QPCTL: variants seen among roughly 807,000 people sequenced by gnomAD.
The protein encoded by QPCTL is glutaminyl-peptide cyclotransferase-like protein.
A neutral mutation model predicts 34.6 loss-of-function variants in QPCTL; 31 were observed. The ratio of observed to expected loss-of-function variants is 0.90; its 90% CI spans 0.67 to 1.21. QPCTL has a LOEUF of 1.21. Among genes scored for constraint, QPCTL ranks in the 50% most tolerant of loss-of-function variants. The pLI is 0.00. For synonymous variants in QPCTL, 223 were observed against 226.9 expected (o/e 0.98, Z 0.15); for missense variants, 474 against 507.8 (o/e 0.93, Z 0.64).
rs1197686297 is a variant in QPCTL at position 45,692,746 on chromosome 19, G to A, written c.43G>A (p.Glu15Lys). 1.3e-6 allele frequency: 2 copies of A among 1,578,692 alleles called. No individual in the cohort carries two copies. The highest frequency in any genetic ancestry group is 1.7e-6 in the Non-Finnish European group (2 of 1,161,882). The change falls in exon 1 of 7, where the codon GAA (glutamate) becomes AAA (lysine). Residue 15 changes from glutamate to lysine, a missense_variant. Physicochemically the swap from Glu to Lys is moderately conservative, Grantham distance 56 (BLOSUM62 1). Coordinates refer to ENST00000012049, the MANE Select transcript of QPCTL (RefSeq NM_017659.4). ...GRGRPRLRLGERGLMEPLLPP... is the reference protein window; with the variant it reads ...GRGRPRLRLGKRGLMEPLLPP... ...CGGGCGACCCCGCCTGCGGCTGGGGGAACGTGGCCTCATGGAGCCACTCTT... is the reference window on the plus strand; with the variant it reads ...CGGGCGACCCCGCCTGCGGCTGGGGAAACGTGGCCTCATGGAGCCACTCTT...
intron 5 of QPCTL, 45 bp downstream of exon 5, chr19:45,698,945 G>A: frequency 6.4e-7 from 1 of 1,565,060 alleles, no homozygotes; most frequent in Non-Finnish European, 8.8e-7. Flanking sequence ...CTGGGGTATG[G>A]GGTACAGGGC....
At chr19:45,699,790 G>T (rs1319704704) in intron 5 of QPCTL, among the ~76,000 whole-genome samples, 2 of 151,982 alleles carry the variant, frequency 1.3e-5, no homozygotes, top group African/African-American at 4.8e-5. Flanking sequence ...AAGTTAGCTG[G>T]GCGTGGTGAC....
At position 45,693,558 on chromosome 19, in the gene QPCTL, T is replaced by C. The variant is rs1470872641; in HGVS notation, c.351+2T>C. On this transcript the variant is annotated splice_donor_variant, in intron 2 of 6. Coordinates refer to ENST00000012049, the MANE Select transcript of QPCTL (RefSeq NM_017659.4). LOFTEE classifies it high-confidence loss of function. ...CCGGGAAATCTCCAAGTCAGAAAGG[T>C]AAAGGGACCCACCTCCAGTCCCTGA... is the stretch of plus-strand genomic sequence containing the variant. The C allele has an allele frequency of 6.2e-7, 1 of 1,607,968 alleles. No individual in the cohort carries two copies. The highest frequency in any genetic ancestry group is 2.2e-5 in the East Asian group (1 of 44,492).
rs753472081 is a variant in QPCTL, at chr19:45,702,914, G to A, written c.1014G>A (p.Val338=). 2 of 1,614,122 alleles carry A rather than the reference G, an allele frequency of 1.2e-6. No individual in the cohort carries two copies. The highest frequency in any genetic ancestry group is 1.7e-5 in the Admixed American group (1 of 59,994). The stretch of plus-strand genomic sequence containing the variant: ...CCTCTGTCACTTCAGGGGTACCCGT[G>A]CTCCATCTCATCTCCACGCCCTTCC... ...HIPFLRRGVP[V]LHLISTPFPA... The change falls in exon 7 of 7, where the codon GTG becomes GTA. Residue 338 remains valine, a synonymous_variant. Coordinates refer to ENST00000012049, the MANE Select transcript of QPCTL (RefSeq NM_017659.4).
chr19:45,692,733 C>T lies in QPCTL; in HGVS notation c.30C>T (p.Arg10=), dbSNP rs760684348. ...GTTCCGGGGGCCGCGGGCGACCCCG[C>T]CTGCGGCTGGGGGAACGTGGCCTCA... is the stretch of plus-strand genomic sequence containing the variant. MRSGGRGRP[R]LRLGERGLME... is the part of the protein sequence containing the mutation. The change falls in exon 1 of 7, where the codon CGC becomes CGT. Residue 10 remains arginine, a synonymous_variant. Coordinates refer to ENST00000012049, the MANE Select transcript of QPCTL (RefSeq NM_017659.4). The T allele has an allele frequency of 6.4e-7, 1 of 1,564,338 alleles. No individual in the cohort carries two copies. The highest frequency in any genetic ancestry group is 8.7e-7 in the Non-Finnish European group (1 of 1,154,610).
intron 6 of QPCTL, among the ~76,000 whole-genome samples, 191 bp from the exon 7 acceptor site, chr19:45,702,713 G>A (rs941912608): frequency 3.3e-5 from 5 of 150,534 alleles, no homozygotes; most frequent in African/African-American, 9.8e-5. Context: ...GCAGTGAGCC[G>A]AGATCACGCC....
At chr19:45,700,854 G>C (rs1967796652) in intron 5 of QPCTL, among the ~76,000 whole-genome samples, 1 of 151,730 alleles carries the variant, frequency 6.6e-6, no homozygotes, top group Non-Finnish European at 1.5e-5. Context: ...AGCTACTCAG[G>C]AGGCTGAGGC....
chr19:45,692,886 G>T lies in QPCTL; in HGVS notation c.183G>T (p.Glu61Asp), dbSNP rs1189523876. 10 of 1,544,750 alleles carry T rather than the reference G, an allele frequency of 6.5e-6. No homozygotes were observed. The Admixed American group carries it at 1.6e-4, about 24-fold the overall frequency. ...GCGGCTGGCACCGCAGGACTGAGGA[G>T]CTGCCGCTGGGCCGGGAGCTGCGGG... Reference protein sequence around the residue: ...IWSGWHRRTEELPLGRELRVP... With the variant: ...IWSGWHRRTEDLPLGRELRVP... The change falls in exon 1 of 7, where the codon GAG (glutamate) becomes GAT (aspartate). Residue 61 changes from glutamate (E) to aspartate (D), a missense_variant. By Grantham distance (45) the Glu-to-Asp change is conservative. Coordinates refer to ENST00000012049, the MANE Select transcript of QPCTL (RefSeq NM_017659.4).
intron 1 of QPCTL, 76 bp downstream of exon 1, chr19:45,692,986 T>C: frequency 7.0e-7 from 1 of 1,436,948 alleles, no homozygotes; most frequent in Non-Finnish European, 9.3e-7. Flanking sequence ...TGACGTGGCT[T>C]TAGCGTACGG....
chr19:45,701,625 G>C, intron 5 of QPCTL, among the ~76,000 whole-genome samples, 173 bp from the exon 6 acceptor site: 1 of 152,150 alleles, frequency 6.6e-6, no homozygotes, highest in East Asian at 1.9e-4. Flanking sequence ...GACTCTGAGG[G>C]ATTGAATGAG....
intron 2 of QPCTL, 84 bp downstream of exon 2, chr19:45,693,640 C>T (rs1967629104): frequency 6.7e-7 from 1 of 1,492,310 alleles, no homozygotes; most frequent in Non-Finnish European, 8.9e-7. Context: ...CCCAAAGAAG[C>T]TAAGAGGAGG....
chr19:45,695,730 G>T lies in QPCTL; in HGVS notation c.633+12G>T. On this transcript the variant is annotated intron_variant, in intron 3 of 6. Transcript: ENST00000012049. ...GGGCCAAAAAACAGGTGAGGAGCAG[G>T]AGTCGGGGAGGGTAGTGGGCTACCT... is the stretch of plus-strand genomic sequence containing the variant. 1 of 1,587,450 alleles carries T rather than the reference G, an allele frequency of 6.3e-7. No individual in the cohort carries two copies.
rs942788286 is a variant in QPCTL, at chr19:45,695,426, C to T, written c.352-11C>T. The T allele has an allele frequency of 8.7e-6, 14 of 1,600,234 alleles. No individual in the cohort carries two copies. The highest frequency in any genetic ancestry group is 5.5e-5 in the South Asian group (5 of 90,128). Reference sequence around the variant, plus strand: ...TCCCCGTCCACCCTCCCACCTCTCTCTTGCCGCTAGTTCCTGGAGGCCACG... The same window carrying T: ...TCCCCGTCCACCCTCCCACCTCTCTTTTGCCGCTAGTTCCTGGAGGCCACG... On this transcript the variant is annotated splice_polypyrimidine_tract_variant and intron_variant, in intron 2 of 6. Coordinates refer to ENST00000012049, the MANE Select transcript of QPCTL (RefSeq NM_017659.4).
intron 5 of QPCTL, among the ~76,000 whole-genome samples, chr19:45,701,168 C>A (rs1410297625): frequency 6.6e-6 from 1 of 152,066 alleles, no homozygotes; most frequent in Admixed American, 6.6e-5. Context: ...GCCTGAAGTC[C>A]TAGCTATTTG....
chr19:45,698,752 G>T, intron 4 of QPCTL, 49 bp from the exon 5 acceptor site: 1 of 1,613,496 alleles, frequency 6.2e-7, no homozygotes, highest in Non-Finnish European at 8.5e-7. Flanking sequence ...GTTAAGCAGG[G>T]CTGGCGTCAT....
rs777466140 is a variant in QPCTL, at chr19:45,702,911, C to A, written c.1011C>A (p.Pro337=). The change falls in exon 7 of 7, where the codon CCC becomes CCA. Residue 337 remains proline, a synonymous_variant. Transcript: ENST00000012049. ...TCTCCTCTGTCACTTCAGGGGTACC[C>A]GTGCTCCATCTCATCTCCACGCCCT... ...DHIPFLRRGV[P]VLHLISTPFP... 6.2e-7 allele frequency: 1 copy of A among 1,613,994 alleles called. No homozygotes were observed. The highest frequency in any genetic ancestry group is 8.5e-7 in the Non-Finnish European group (1 of 1,180,034).
intron 5 of QPCTL, among the ~76,000 whole-genome samples, chr19:45,699,791 G>T (rs866904541): frequency 4.6e-5 from 7 of 151,994 alleles, no homozygotes; most frequent in Non-Finnish European, 1.0e-4. Flanking sequence ...AGTTAGCTGG[G>T]CGTGGTGACA....
rs1345685664 is a variant in QPCTL, at chr19:45,697,393, G to A, written c.634-1154G>A. On this transcript the variant is annotated intron_variant, in intron 3 of 6. Coordinates refer to ENST00000012049, the MANE Select transcript of QPCTL (RefSeq NM_017659.4). The stretch of plus-strand genomic sequence containing the variant: ...GTGAGCCGAGATCGCGCCACTGTAC[G>A]CCAGCCTGGGCGATACAGCGAGACT... 9.9e-5 allele frequency among the ~76,000 whole-genome samples: 9 copies of A among 90,654 alleles called. No homozygotes were observed. In the South Asian group the frequency reaches 2.6e-3, roughly 26 times the overall value. 59.5% of individuals were successfully genotyped at this position (90,654 alleles called of 152,430 possible).
At chr19:45,701,126 A>G (rs36030682) in intron 5 of QPCTL, among the ~76,000 whole-genome samples, 13,411 of 151,912 alleles carry the variant, frequency 0.088, 967 homozygotes, top group African/African-American at 0.2. Context: ...ACACACACAC[A>G]CACACACAAT....
Sources: gnomAD v4.1 joint callset for allele counts (sites outside exome capture counted in the v4.1 genomes callset) on GRCh38, gnomAD v4.1.1 for gene constraint, MANE v1.5 for transcripts, NCBI Gene and HGNC (gene_info 2026-07-23, HGNC 2026-07-21) for gene names.